LTBP3: variants seen among roughly 807,000 people sequenced by gnomAD.
The protein encoded by LTBP3 is latent-transforming growth factor beta-binding protein 3.
Under a neutral mutation model 159.7 loss-of-function variants are expected in LTBP3, and 97 were observed. That is an observed-to-expected ratio of 0.61 (90% CI 0.52 to 0.72). The LOEUF (loss-of-function observed/expected upper bound fraction) is 0.72, where lower values mean the gene tolerates loss of function less well. Among genes scored for constraint, LTBP3 ranks in the 30% least tolerant of loss-of-function variants. The pLI is 0.00. For synonymous variants in LTBP3, 824 were observed against 777.1 expected (o/e 1.06, Z -1.00); for missense variants, 1,584 against 1,864.3 (o/e 0.85, Z 2.77).
At chr11:65,542,907 T>G in intron 18 of LTBP3, 198 bp downstream of exon 18, 1 of 733,744 alleles carries the variant, frequency 1.4e-6, no homozygotes. Context: ...AGTGGAAGGA[T>G]GAATGGAAGG....
rs1005013572 is a variant in LTBP3 at position 65,553,049 on chromosome 11, A to G, written c.1064-67T>C. The G allele has an allele frequency of 1.3e-5, 21 of 1,609,670 alleles. No homozygotes were observed. In the African/African-American group the frequency reaches 2.7e-4, roughly 21 times the overall value. ...GGGGTGACAGCAGGCTGCTCCAAGA[A>G]CCTCAGGGTCTTGCCCCAGCCCCAC... On this transcript the variant is annotated intron_variant, in intron 5 of 27. Coordinates refer to ENST00000301873, the MANE Select transcript of LTBP3 (RefSeq NM_001130144.3). The surrounding 1 kb of genome is among the most constrained non-coding windows in gnomAD (Gnocchi z 6.5).
chr11:65,550,898 A>G (rs184207537), intron 11 of LTBP3, among the ~76,000 whole-genome samples: 119 of 152,350 alleles, frequency 7.8e-4, no homozygotes, highest in African/African-American at 2.6e-3. Context: ...TGTAACACTA[A>G]TAAGTATTTG....
At position 65,554,425 on chromosome 11, in the gene LTBP3, T is replaced by G; in HGVS notation, c.332-45A>C. The stretch of plus-strand genomic sequence containing the variant: ...CAGGCCCTCACCCACATCCTGTCTC[T>G]TTCCCCTCCTCCCTACTTCCTTGCC... On this transcript the variant is annotated intron_variant, in intron 1 of 27. Coordinates refer to ENST00000301873, the MANE Select transcript of LTBP3 (RefSeq NM_001130144.3). This position sits in a 1 kb window ranked among gnomAD's most constrained non-coding sequence, Gnocchi z 5.3. The G allele has an allele frequency of 5.4e-6, 8 of 1,487,688 alleles. No individual in the cohort carries two copies. Among genetic ancestry groups the G allele is most frequent in the Non-Finnish European group, 5.5e-6 (6 of 1,084,386 alleles). 92.2% of individuals were successfully genotyped at this position (1,487,688 alleles called of 1,614,324 possible).
Position 65,540,398 on chromosome 11 carries a change from G to A in LTBP3, c.3107-16C>T, listed in dbSNP as rs903469944. 2.5e-6 allele frequency: 4 copies of A among 1,604,178 alleles called. No individual in the cohort carries two copies. The highest frequency in any genetic ancestry group is 3.4e-6 in the Non-Finnish European group (4 of 1,176,126). On this transcript the variant is annotated splice_polypyrimidine_tract_variant and intron_variant, in intron 22 of 27. Coordinates refer to ENST00000301873, the MANE Select transcript of LTBP3 (RefSeq NM_001130144.3). ...TCGTCCACGTCTGCAGGGAGGAAAA[G>A]CGTGGGTAGCAGGGGCAGGCCCGGG... is the stretch of plus-strand genomic sequence containing the variant.
At chr11:65,540,746 T>C in intron 21 of LTBP3, 125 bp downstream of exon 21, 1 of 1,013,384 alleles carries the variant, frequency 9.9e-7, no homozygotes, top group Non-Finnish European at 1.3e-6. Flanking sequence ...GGGCGGGGCC[T>C]GCGAGGAAGG....
chr11:65,553,543 G>C lies in LTBP3; in HGVS notation c.865-13C>G. On this transcript the variant is annotated splice_polypyrimidine_tract_variant and intron_variant, in intron 3 of 27. Transcript: ENST00000301873. This position sits in a 1 kb window ranked among gnomAD's most constrained non-coding sequence, Gnocchi z 6.5. ...GGTTGCTGCCACACTAGGGGAAGGA[G>C]GGGGAGGTGGGGTCACAGAGCACCC... 6.5e-7 allele frequency: 1 copy of C among 1,537,946 alleles called. No individual in the cohort carries two copies. Among genetic ancestry groups the C allele is most frequent in the Non-Finnish European group, 9.0e-7 (1 of 1,113,698 alleles).
In LTBP3 at chr11:65,551,414, G is replaced by A. The variant is rs753655134; in HGVS notation, c.1609C>T (p.Arg537Trp). The change falls in exon 10 of 28, where the codon CGG becomes TGG. Residue 537 changes from arginine (R) to tryptophan (W), a missense_variant. Physicochemically the swap from Arg to Trp is moderately radical, Grantham distance 101 (BLOSUM62 -3). This residue lies in a region of LTBP3 where 565 missense variants were observed against 677.7 expected (regional missense o/e 0.83). Transcript: ENST00000301873. ...SHPTATTTPARPYPELISRPS... is the reference protein window; with the variant it reads ...SHPTATTTPAWPYPELISRPS... ...GTGCCCAGCTCACCGGGGTAGGGCC[G>A]GGCAGGAGTCGTGGTGGCAGTTGGG... 1.9e-6 allele frequency: 3 copies of A among 1,613,404 alleles called. No homozygotes were observed. The highest frequency in any genetic ancestry group is 2.5e-6 in the Non-Finnish European group (3 of 1,179,968).
chr11:65,548,746 G>C (rs1042851660), intron 11 of LTBP3: 1 of 156,172 alleles, frequency 6.4e-6, no homozygotes, highest in Non-Finnish European at 1.4e-5. Context: ...CCATAACAGT[G>C]AACTCTGCTC....
chr11:65,546,497 G>A lies in LTBP3; in HGVS notation c.2298C>T (p.Phe766=), dbSNP rs542842241. The A allele has an allele frequency of 6.3e-7, 1 of 1,598,136 alleles. No homozygotes were observed. The highest frequency in any genetic ancestry group is 8.5e-7 in the Non-Finnish European group (1 of 1,178,664). Residue 766 remains phenylalanine, a synonymous_variant, in exon 16 of 28, where the codon TTC becomes TTT. Transcript: ENST00000301873. This position sits in a 1 kb window ranked among gnomAD's most constrained non-coding sequence, Gnocchi z 4.0. ...CGTAGCCCTGGGCACAGGTGCAGCG[G>A]AAGGAGCCCGGGAGGTTCTCGCACC... ...PGWCENLPGS[F]RCTCAQGYAP... is the part of the protein sequence containing the mutation.
chr11:65,553,293 G>T lies in LTBP3; in HGVS notation c.971-37C>A. On this transcript the variant is annotated intron_variant, in intron 4 of 27. Transcript: ENST00000301873. This position sits in a 1 kb window ranked among gnomAD's most constrained non-coding sequence, Gnocchi z 6.5. Reference sequence around the variant, plus strand: ...GGATAGCTTGGCAGGGGAGGGTGAGGAGGGAACTGGGGAGGGGCACAGCAG... The same window carrying T: ...GGATAGCTTGGCAGGGGAGGGTGAGTAGGGAACTGGGGAGGGGCACAGCAG... The T allele has an allele frequency of 2.5e-6, 4 of 1,581,040 alleles. No individual in the cohort carries two copies. The highest frequency in any genetic ancestry group is 2.2e-5 in the East Asian group (1 of 44,504).
Position 65,553,328 on chromosome 11 carries a change from G to A in LTBP3, c.971-72C>T. ...GGGAGGGGCACAGCAGATGTAGAGA[G>A]GAATCTGGTGACCTGGGGACTCCCA... On this transcript the variant is annotated intron_variant, in intron 4 of 27. Transcript: ENST00000301873. The surrounding 1 kb of genome is among the most constrained non-coding windows in gnomAD (Gnocchi z 6.5). The A allele has an allele frequency of 8.3e-7, 1 of 1,206,726 alleles. No individual in the cohort carries two copies. Among genetic ancestry groups the A allele is most frequent in the African/African-American group, 1.6e-5 (1 of 63,210 alleles). 74.8% of individuals were successfully genotyped at this position (1,206,726 alleles called of 1,614,324 possible).
At chr11:65,540,835 G>A in intron 21 of LTBP3, 36 bp downstream of exon 21, 1 of 1,589,806 alleles carries the variant, frequency 6.3e-7, no homozygotes, top group South Asian at 1.1e-5. Flanking sequence ...CCCGGGGTGA[G>A]AGGGCGCGGG....
chr11:65,557,675 C>T lies in LTBP3; in HGVS notation c.285G>A (p.Glu95=), dbSNP rs1856857416. The change falls in exon 1 of 28, where the codon GAG becomes GAA. Residue 95 remains glutamate (E), a synonymous_variant. Coordinates refer to ENST00000301873, the MANE Select transcript of LTBP3 (RefSeq NM_001130144.3). ...QQGSNMTLIG[E]NGHSTDTLTG... The stretch of plus-strand genomic sequence containing the variant: ...TGAGCGTGTCTGTGCTGTGGCCGTT[C>T]TCTCCGATGAGCGTCATGTTGGAGC... The T allele has an allele frequency of 6.2e-7, 1 of 1,611,040 alleles. No individual in the cohort carries two copies. Among genetic ancestry groups the T allele is most frequent in the African/African-American group, 1.3e-5 (1 of 74,920 alleles).
chr11:65,558,085 AAGCGGGCGGG>A lies in LTBP3; in HGVS notation c.-136_-127del. 1 of 1,068,070 alleles carries A rather than the reference AAGCGGGCGGG, an allele frequency of 9.4e-7. No individual in the cohort carries two copies. Among genetic ancestry groups the A allele is most frequent in the South Asian group, 4.5e-5 (1 of 22,336 alleles). 66.2% of individuals were successfully genotyped at this position (1,068,070 alleles called of 1,614,324 possible). A position where few individuals can be genotyped will look rare whatever the true frequency, so the allele number is the denominator to read the frequency against. On this transcript the variant is annotated 5_prime_UTR_variant, in exon 1 of 28. Transcript: ENST00000301873. ...GGGCAGCGAGGGAGGGCAGCGGGGG[AAGCGGGCGGG>A]AGGGGACCGCGGGGGCCCGGCGGGA...
rs757895021 is a variant in LTBP3, at chr11:65,547,911, T to G, written c.1846+9A>C. On this transcript the variant is annotated intron_variant, in intron 12 of 27. Coordinates refer to ENST00000301873, the MANE Select transcript of LTBP3 (RefSeq NM_001130144.3). The surrounding 1 kb of genome is among the most constrained non-coding windows in gnomAD (Gnocchi z 4.6). The stretch of plus-strand genomic sequence containing the variant: ...CCACCTGCATGCCCGCCGCCTGCCC[T>G]GCGCTCACCCACGCAGTAGCGGTGC... 1 of 1,613,400 alleles carries G rather than the reference T, an allele frequency of 6.2e-7. No homozygotes were observed. Among genetic ancestry groups the G allele is most frequent in the Admixed American group, 1.7e-5 (1 of 60,008 alleles).
In LTBP3 at chr11:65,541,294, C is replaced by G. The variant is rs767090322; in HGVS notation, c.2726-1G>C. 6.2e-7 allele frequency: 1 copy of G among 1,610,322 alleles called. No individual in the cohort carries two copies. The highest frequency in any genetic ancestry group is 8.5e-7 in the Non-Finnish European group (1 of 1,179,966). ...TTCTTGTGGTGGGGCTGCTCCACCT[C>G]TGAGGGGCAGACGGCAGCTCAGGGT... On this transcript the variant is annotated splice_acceptor_variant, in intron 19 of 27. Coordinates refer to ENST00000301873, the MANE Select transcript of LTBP3 (RefSeq NM_001130144.3). LOFTEE classifies it high-confidence loss of function.
Position 65,547,034 on chromosome 11 carries a change from C to T in LTBP3, c.2108-114G>A, listed in dbSNP as rs961880561. 5.4e-6 allele frequency: 8 copies of T among 1,477,856 alleles called. No homozygotes were observed. The highest frequency in any genetic ancestry group is 6.5e-6 in the Non-Finnish European group (7 of 1,084,220). The allele number at this position is 1,477,856 out of a possible 1,614,324, so 91.5% of individuals were successfully genotyped here. On this transcript the variant is annotated intron_variant, in intron 14 of 27. Coordinates refer to ENST00000301873, the MANE Select transcript of LTBP3 (RefSeq NM_001130144.3). This position sits in a 1 kb window ranked among gnomAD's most constrained non-coding sequence, Gnocchi z 4.6. Reference sequence around the variant, plus strand: ...ACAGATCAACGAGGCTCCCGGACCCCAACCTCTGAGAGGCCCAGAGCCGAG... The same window carrying T: ...ACAGATCAACGAGGCTCCCGGACCCTAACCTCTGAGAGGCCCAGAGCCGAG...
In LTBP3 at chr11:65,547,889, C is replaced by T. The variant is rs765027026; in HGVS notation, c.1846+31G>A. On this transcript the variant is annotated intron_variant, in intron 12 of 27. Coordinates refer to ENST00000301873, the MANE Select transcript of LTBP3 (RefSeq NM_001130144.3). This position sits in a 1 kb window ranked among gnomAD's most constrained non-coding sequence, Gnocchi z 4.6. ...GTTATCTGGGGTCCCCCCCCACCCA[C>T]CTGCATGCCCGCCGCCTGCCCTGCG... The T allele has an allele frequency of 6.2e-7, 1 of 1,613,512 alleles. No individual in the cohort carries two copies. Among genetic ancestry groups the T allele is most frequent in the Admixed American group, 1.7e-5 (1 of 60,024 alleles).
Position 65,539,062 on chromosome 11 carries a change from AGGG to A in LTBP3, c.*15_*17del. 7.4e-7 allele frequency: 1 copy of A among 1,358,250 alleles called. No individual in the cohort carries two copies. The highest frequency in any genetic ancestry group is 9.5e-7 in the Non-Finnish European group (1 of 1,056,570). 84.1% of individuals were successfully genotyped at this position (1,358,250 alleles called of 1,614,324 possible). Reference sequence around the variant, plus strand: ...TCAGTGATCACCGAGGTCTGGGCCGAGGGCGGCGTCGGCGGCGTCAGCGGCGGC... The same window carrying A: ...TCAGTGATCACCGAGGTCTGGGCCGACGGCGTCGGCGGCGTCAGCGGCGGC... On this transcript the variant is annotated 3_prime_UTR_variant, in exon 28 of 28. Transcript: ENST00000301873.
Sources: gnomAD v4.1 joint callset for allele counts (sites outside exome capture counted in the v4.1 genomes callset) on GRCh38, gnomAD v4.1.1 for gene constraint, gnomAD v4.1.1 regional missense constraint, Gnocchi (gnomAD v3.1) non-coding constraint, MANE v1.5 for transcripts, NCBI Gene and HGNC (gene_info 2026-07-23, HGNC 2026-07-21) for gene names.